The following GTF2A2 variants were observed in gnomAD, a reference collection of about 807,000 sequenced individuals.
GTF2A2 encodes general transcription factor IIA subunit 2, also known as transcription initiation factor IIA subunit 2.
In GTF2A2, 9 loss-of-function variants were observed where a neutral mutation model predicts 14.3. The observed-to-expected ratio is 0.63, with a 90% CI of 0.38 to 1.10. GTF2A2 has a LOEUF of 1.10. Among genes scored for constraint, GTF2A2 ranks in the 50% least tolerant of loss-of-function variants. The pLI is 0.01. For missense variants in GTF2A2, 90 were observed against 124.6 expected (o/e 0.72, Z 1.32); for synonymous variants, 56 against 46.0 (o/e 1.22, Z -0.88).
At chr15:59,641,996 G>GAGAT (rs1320656455) in intron 4 of GTF2A2, 140 bp downstream of exon 4, 3 of 617,828 alleles carry the variant, frequency 4.9e-6, no homozygotes, top group East Asian at 2.9e-5. Context: ...GAATTTAGTG[G>GAGAT]AGATAAAAGC....
chr15:59,643,373 C>T (rs1045902028), intron 3 of GTF2A2, among the ~76,000 whole-genome samples: 1 of 151,722 alleles, frequency 6.6e-6, no homozygotes, highest in South Asian at 2.1e-4. Flanking sequence ...AATCACTGCA[C>T]CAGCCTATTT....
intron 3 of GTF2A2, among the ~76,000 whole-genome samples, chr15:59,646,246 G>C (rs1201419985): frequency 1.3e-5 from 2 of 151,966 alleles, no homozygotes; most frequent in Admixed American, 1.3e-4. Flanking sequence ...TAGTAGACAC[G>C]GGTTTTACCA....
At chr15:59,642,288 C>T in intron 3 of GTF2A2, 26 bp from the exon 4 acceptor site, 1 of 1,558,520 alleles carries the variant, frequency 6.4e-7, no homozygotes, top group Non-Finnish European at 8.7e-7. Flanking sequence ...TTTAGAAATA[C>T]CGTGAAACGT....
At chr15:59,639,360 G>A (rs1891307948) in intron 4 of GTF2A2, among the ~76,000 whole-genome samples, 1 of 151,956 alleles carries the variant, frequency 6.6e-6, no homozygotes, top group African/African-American at 2.4e-5. Context: ...ATACAAAGAT[G>A]CTTAGCTCCT....
intron 4 of GTF2A2, among the ~76,000 whole-genome samples, chr15:59,641,386 A>T (rs1162335505): frequency 6.6e-6 from 1 of 152,112 alleles, no homozygotes; most frequent in African/African-American, 2.4e-5. Flanking sequence ...GAAATGCAAA[A>T]TATATAAAAC....
intron 3 of GTF2A2, among the ~76,000 whole-genome samples, chr15:59,646,396 G>A (rs1054960311): frequency 3.3e-5 from 5 of 151,894 alleles, no homozygotes; most frequent in East Asian, 1.9e-4. Context: ...TTTATCCCTC[G>A]CCACCCTCCC....
At chr15:59,639,468 T>TTTC (rs1240398264) in intron 4 of GTF2A2, among the ~76,000 whole-genome samples, 2 of 150,896 alleles carry the variant, frequency 1.3e-5, no homozygotes, top group Non-Finnish European at 3.0e-5. Context: ...TCCCAAATTT[T>TTTC]TTTTTTTTTT....
chr15:59,652,462 T>C, intron 1 of GTF2A2, 136 bp from the exon 2 acceptor site: 1 of 520,670 alleles, frequency 1.9e-6, no homozygotes, highest in South Asian at 2.7e-5. Context: ...TAGATAATCA[T>C]TTTAGAATTA....
intron 1 of GTF2A2, among the ~76,000 whole-genome samples, 200 bp from the exon 2 acceptor site, chr15:59,652,526 G>A (rs1017999747): frequency 6.6e-5 from 10 of 151,772 alleles, no homozygotes; most frequent in African/African-American, 2.2e-4. Flanking sequence ...TTTTGACATG[G>A]GCATTTATAC....
At chr15:59,642,114 C>T (rs780232285) in intron 4 of GTF2A2, 22 bp downstream of exon 4, 17 of 1,583,536 alleles carry the variant, frequency 1.1e-5, no homozygotes, top group Middle Eastern at 1.7e-4. Context: ...GTAGCTTTCA[C>T]AGAAATAAGG....
At position 59,652,279 on chromosome 15, in the gene GTF2A2, G is replaced by T; in HGVS notation, c.-2C>A. On this transcript the variant is annotated 5_prime_UTR_variant, in exon 2 of 5. Transcript: ENST00000396060. ...ATTTCTGTATAACTGATATGCCATG[G>T]CTTAGGAGGAAGAATTTGTTTTTCT... 6.4e-7 allele frequency: 1 copy of T among 1,573,196 alleles called. No homozygotes were observed. The highest frequency in any genetic ancestry group is 8.7e-7 in the Non-Finnish European group (1 of 1,148,324).
intron 4 of GTF2A2, 54 bp downstream of exon 4, chr15:59,642,082 G>C (rs1217630508): frequency 6.6e-7 from 1 of 1,512,326 alleles, no homozygotes; most frequent in African/African-American, 1.4e-5. Context: ...TCTTCTAAAG[G>C]CTCATAAAAA....
chr15:59,644,844 A>C (rs1483491520), intron 3 of GTF2A2, among the ~76,000 whole-genome samples: 1 of 152,230 alleles, frequency 6.6e-6, no homozygotes, highest in Non-Finnish European at 1.5e-5. Flanking sequence ...CCTTTGCCCC[A>C]TCCTAACGGT....
chr15:59,652,314 T>C lies in GTF2A2; in HGVS notation c.-37A>G. 8.7e-7 allele frequency: 1 copy of C among 1,154,768 alleles called. No individual in the cohort carries two copies. The highest frequency in any genetic ancestry group is 1.3e-6 in the Non-Finnish European group (1 of 780,876). The allele number at this position is 1,154,768 out of a possible 1,614,324, so 71.5% of individuals were successfully genotyped here. Reference sequence around the variant, plus strand: ...AAGAATTTGTTTTTCTTATTCAAGCTTGCATTGATGTCCTAAAAATTTAAT... The same window carrying C: ...AAGAATTTGTTTTTCTTATTCAAGCCTGCATTGATGTCCTAAAAATTTAAT... On this transcript the variant is annotated 5_prime_UTR_variant, in exon 2 of 5. Transcript: ENST00000396060.
chr15:59,641,200 T>A (rs1423404853), intron 4 of GTF2A2, among the ~76,000 whole-genome samples: 2 of 91,880 alleles, frequency 2.2e-5, no homozygotes, highest in Admixed American at 1.1e-4. Flanking sequence ...TTTTTTTTTT[T>A]AAGGCTTAAG....
intron 1 of GTF2A2, among the ~76,000 whole-genome samples, chr15:59,655,956 G>A (rs748180122): frequency 1.1e-4 from 17 of 152,018 alleles, no homozygotes; most frequent in Non-Finnish European, 1.9e-4. Flanking sequence ...GGCCACTCTC[G>A]TCATCTGGAT....
At position 59,638,926 on chromosome 15, in the gene GTF2A2, T is replaced by A; in HGVS notation, c.*206A>T. 1 of 485,934 alleles carries A rather than the reference T, an allele frequency of 2.1e-6. No homozygotes were observed. Among genetic ancestry groups the A allele is most frequent in the Non-Finnish European group, 3.7e-6 (1 of 268,048 alleles). 30.1% of individuals were successfully genotyped at this position (485,934 alleles called of 1,614,324 possible). ...TTAGGAAGGCAACAACTTTTGTCCT[T>A]AAAAAAAAGTTATGGTTTTTCATGC... On this transcript the variant is annotated 3_prime_UTR_variant, in exon 5 of 5. Coordinates refer to ENST00000396060, the MANE Select transcript of GTF2A2 (RefSeq NM_004492.3).
chr15:59,656,926 G>A (rs141214352), intron 1 of GTF2A2: 2 of 152,224 alleles, frequency 1.3e-5, no homozygotes, highest in African/African-American at 4.8e-5. Flanking sequence ...AGTCAAATTC[G>A]GAAGTAACTC....
intron 3 of GTF2A2, among the ~76,000 whole-genome samples, chr15:59,645,941 G>A (rs1335089605): frequency 6.6e-6 from 1 of 151,634 alleles, no homozygotes; most frequent in Non-Finnish European, 1.5e-5. Flanking sequence ...GGCTGAGGCT[G>A]GAGAATCGCT....
Sources: allele counts gnomAD v4.1 joint callset (sites outside exome capture counted in the v4.1 genomes callset), GRCh38; gene constraint gnomAD v4.1.1; transcripts MANE v1.5; gene names NCBI Gene and HGNC (gene_info 2026-07-23, HGNC 2026-07-21).